Variants in DNAAF4 observed in about 807,000 individuals in gnomAD.
DNAAF4 encodes the protein dynein axonemal assembly factor 4.
DNAAF4 carries 43 observed loss-of-function variants against 51.8 expected under a neutral mutation model. The ratio of observed to expected loss-of-function variants is 0.83; its 90% CI spans 0.65 to 1.07. DNAAF4 has a LOEUF of 1.07. Ranked by LOEUF, DNAAF4 falls within the 50% of genes least tolerant of loss-of-function variation. The probability of loss-of-function intolerance (pLI) is 0.00; values close to 1 mark genes in which losing one functional copy is unlikely to be tolerated. For synonymous variants in DNAAF4, 194 were observed against 165.6 expected, an observed-to-expected ratio of 1.17 and a Z score of -1.32; for missense variants, 581 against 493.0, an observed-to-expected ratio of 1.18 and a Z score of -1.69.
chr15:55,454,942 A>T (rs940605917), intron 5 of DNAAF4, among the ~76,000 whole-genome samples: 1 of 151,660 alleles, frequency 6.6e-6, no homozygotes, highest in Non-Finnish European at 1.5e-5. Context: ...TCCTGTCTCA[A>T]AAAAAAGAAC....
chr15:55,501,957 C>T (rs561653338), intron 1 of DNAAF4, among the ~76,000 whole-genome samples: 6 of 151,748 alleles, frequency 4.0e-5, no homozygotes, highest in African/African-American at 1.2e-4. Flanking sequence ...GCAGGAGAAT[C>T]GCTTGAACCT....
intron 4 of DNAAF4, among the ~76,000 whole-genome samples, chr15:55,472,669 G>A (rs999722238): frequency 4.0e-4 from 61 of 152,006 alleles, no homozygotes; most frequent in African/African-American, 1.4e-3. Flanking sequence ...TTCAAAAAAG[G>A]ATGCCATTTA....
intron 1 of DNAAF4, among the ~76,000 whole-genome samples, chr15:55,507,907 T>C (rs2058734911): frequency 6.6e-6 from 1 of 152,034 alleles, no homozygotes; most frequent in Non-Finnish European, 1.5e-5. Flanking sequence ...CAGAATGTGG[T>C]CCTCCCCACC....
chr15:55,465,391 TATAC>T (rs1221126394), intron 5 of DNAAF4, among the ~76,000 whole-genome samples: 2 of 147,838 alleles, frequency 1.4e-5, no homozygotes, highest in African/African-American at 2.5e-5. Context: ...ATGGTGTATA[TATAC>T]ACACACACAC....
At chr15:55,435,657 A>G (rs1005715401) in intron 7 of DNAAF4, among the ~76,000 whole-genome samples, 2 of 152,234 alleles carry the variant, frequency 1.3e-5, no homozygotes, top group Admixed American at 6.5e-5. Context: ...TCCTTTCAAT[A>G]TAAAAAAATT....
intron 6 of DNAAF4, among the ~76,000 whole-genome samples, chr15:55,446,761 GGT>G (rs1164667111): frequency 5.0e-5 from 7 of 139,918 alleles, no homozygotes; most frequent in East Asian, 2.2e-4. Context: ...TCCCAGACAG[GGT>G]GGTGGCCAGG....
chr15:55,506,757 A>G (rs947072872), intron 1 of DNAAF4, among the ~76,000 whole-genome samples: 6 of 152,244 alleles, frequency 3.9e-5, no homozygotes, highest in Admixed American at 2.0e-4. Context: ...AAATGAGTGA[A>G]TGATAGCTAT....
chr15:55,500,496 G>T (rs1416266537), intron 1 of DNAAF4, among the ~76,000 whole-genome samples: 1 of 152,066 alleles, frequency 6.6e-6, no homozygotes, highest in Non-Finnish European at 1.5e-5. Context: ...TAAAGTCCAG[G>T]TTCTCCCACT....
At chr15:55,418,455 A>G (rs1474819192) in intron 7 of DNAAF4, 2 of 1,522,456 alleles carry the variant, frequency 1.3e-6, no homozygotes, top group South Asian at 1.2e-5. Context: ...ACTCCAAAGG[A>G]GCAAGTATTT....
chr15:55,491,071 CAT>C (rs2058564833), intron 4 of DNAAF4, 50 bp downstream of exon 4: 3 of 1,601,860 alleles, frequency 1.9e-6, no homozygotes, highest in South Asian at 1.1e-5. Flanking sequence ...ACTATCCTCA[CAT>C]AGTCTACTAT....
At chr15:55,439,688 T>C (rs1002213518) in intron 6 of DNAAF4, 107 bp from the exon 7 acceptor site, 5 of 927,304 alleles carry the variant, frequency 5.4e-6, no homozygotes, top group Admixed American at 2.6e-5. Flanking sequence ...TTATTTGCTA[T>C]GCACTGAGTG....
At chr15:55,419,330 TC>T (rs1303314176) in intron 7 of DNAAF4, among the ~76,000 whole-genome samples, 1 of 152,020 alleles carries the variant, frequency 6.6e-6, no homozygotes, top group Non-Finnish European at 1.5e-5. Context: ...GCTCAAACTA[TC>T]CCCCACCTCA....
intron 4 of DNAAF4, among the ~76,000 whole-genome samples, chr15:55,478,851 C>T (rs2058370594): frequency 6.6e-6 from 1 of 152,096 alleles, no homozygotes; most frequent in African/African-American, 2.4e-5. Context: ...AAATTCCAGG[C>T]ACCACTTTGT....
At chr15:55,450,936 A>G (rs1287799842) in intron 5 of DNAAF4, among the ~76,000 whole-genome samples, 1 of 152,166 alleles carries the variant, frequency 6.6e-6, no homozygotes, top group Non-Finnish European at 1.5e-5. Flanking sequence ...TGTCTCTACT[A>G]AAAATATAAA....
In DNAAF4 at chr15:55,498,424, G is replaced by T; in HGVS notation, c.-95C>A. The T allele has an allele frequency of 6.6e-7, 1 of 1,506,152 alleles. No homozygotes were observed. The highest frequency in any genetic ancestry group is 1.4e-5 in the African/African-American group (1 of 70,928). 93.3% of individuals were successfully genotyped at this position (1,506,152 alleles called of 1,614,324 possible). ...GGGTTACCATGCGCCAGCCCTTCCG[G>T]GTCAGGCCGGCCGGGAGCCCGGCGT... On this transcript the variant is annotated 5_prime_UTR_variant, in exon 2 of 10. Transcript: ENST00000321149.
chr15:55,497,912 C>G (rs1567036120), intron 2 of DNAAF4, 53 bp from the exon 3 acceptor site: 3 of 1,551,186 alleles, frequency 1.9e-6, no homozygotes, highest in Non-Finnish European at 2.6e-6. Context: ...ATTAAGCACG[C>G]GTATTAAGAA....
At position 55,446,296 on chromosome 15, in the gene DNAAF4, CG is replaced by C. The variant is rs569820152; in HGVS notation, c.783+3925del. 2.9e-3 allele frequency among the ~76,000 whole-genome samples: 56 copies of C among 19,256 alleles called. 3 individuals carry two copies. The highest frequency in any genetic ancestry group is 0.019 in the African/African-American group (41 of 2,178). 12.6% of individuals were successfully genotyped at this position (19,256 alleles called of 152,430 possible). A position where few individuals can be genotyped will look rare whatever the true frequency, so the allele number is the denominator to read the frequency against. The stretch of plus-strand genomic sequence containing the variant: ...GCAGAGGCGCTCCTCACATCCCAGA[CG>C]GGGGGGGGGGGCAGCTGGGCAGAGG... On this transcript the variant is annotated intron_variant, in intron 6 of 9. Coordinates refer to ENST00000321149, the MANE Select transcript of DNAAF4 (RefSeq NM_130810.4).
chr15:55,459,611 C>A (rs2058065713), intron 5 of DNAAF4, among the ~76,000 whole-genome samples: 1 of 152,112 alleles, frequency 6.6e-6, no homozygotes, highest in Non-Finnish European at 1.5e-5. Flanking sequence ...ACTTGCCTAA[C>A]ATATAAGGAC....
At chr15:55,451,500 G>A (rs947568943) in intron 5 of DNAAF4, among the ~76,000 whole-genome samples, 7 of 152,114 alleles carry the variant, frequency 4.6e-5, no homozygotes, top group Non-Finnish European at 8.8e-5. Flanking sequence ...TCAAATAAAT[G>A]TTCCAGAACA....
Sources: gnomAD v4.1 joint callset for allele counts (sites outside exome capture counted in the v4.1 genomes callset) on GRCh38, gnomAD v4.1.1 for gene constraint, MANE v1.5 for transcripts, NCBI Gene and HGNC (gene_info 2026-07-23, HGNC 2026-07-21) for gene names.